PCNT: variants seen among roughly 807,000 people sequenced by gnomAD.
The protein encoded by PCNT is kendrin.
A neutral mutation model predicts 380.4 loss-of-function variants in PCNT; 319 were observed. The observed-to-expected ratio is 0.84, with a 90% CI of 0.77 to 0.92. The LOEUF (loss-of-function observed/expected upper bound fraction) is 0.92. Among genes scored for constraint, PCNT ranks in the 40% least tolerant of loss-of-function variants. PCNT has a pLI of 0.00. For synonymous variants in PCNT, 1,845 were observed against 1,735.2 expected (o/e 1.06, Z -1.57); for missense variants, 4,400 against 4,255.3 (o/e 1.03, Z -0.95).
intron 2 of PCNT, among the ~76,000 whole-genome samples, chr21:46,328,343 A>T (rs1428421961): frequency 2.7e-5 from 4 of 149,078 alleles, no homozygotes; most frequent in Non-Finnish European, 4.5e-5. Context: ...GCTCAGTGCA[A>T]CCTCTGCCTC....
chr21:46,335,715 C>A (rs572732276), intron 3 of PCNT, among the ~76,000 whole-genome samples: 1 of 146,174 alleles, frequency 6.8e-6, no homozygotes, highest in African/African-American at 2.5e-5. Flanking sequence ...TAAATAGAGA[C>A]GGAGTCTTGC....
chr21:46,415,295 G>T (rs1440625894), intron 29 of PCNT, among the ~76,000 whole-genome samples: 1 of 151,444 alleles, frequency 6.6e-6, no homozygotes, highest in South Asian at 2.1e-4. Flanking sequence ...AATACATCCT[G>T]TGTGGAGAGC....
At chr21:46,422,317 A>T (rs1031375632) in intron 32 of PCNT, among the ~76,000 whole-genome samples, 193 bp downstream of exon 32, 3 of 152,198 alleles carry the variant, frequency 2.0e-5, no homozygotes, top group African/African-American at 7.2e-5. Context: ...CCAGCCCTGC[A>T]CTGGCCCCTT....
At chr21:46,437,418 A>G (rs1601206721) in intron 40 of PCNT, among the ~76,000 whole-genome samples, 2 of 152,108 alleles carry the variant, frequency 1.3e-5, no homozygotes, top group South Asian at 4.1e-4. Context: ...CTCGCTGTGC[A>G]TGACCTGGAC....
chr21:46,423,569 TC>T (rs1264039091), intron 32 of PCNT, among the ~76,000 whole-genome samples: 8 of 151,100 alleles, frequency 5.3e-5, no homozygotes, highest in Non-Finnish European at 1.0e-4. Context: ...ATATTAGAAT[TC>T]CTGATTTTTA....
chr21:46,336,340 C>T (rs1276351527), intron 3 of PCNT, among the ~76,000 whole-genome samples: 1 of 152,146 alleles, frequency 6.6e-6, no homozygotes, highest in African/African-American at 2.4e-5. Context: ...CCTGGAAGCA[C>T]AGTCTCTGGT....
rs374300652 is a variant in PCNT, at chr21:46,412,033, A to T, written c.5960A>T (p.Asp1987Val). The change falls in exon 28 of 47, where the codon GAT (aspartate) becomes GTT (valine). Residue 1987 changes from aspartate to valine, a missense_variant. Asp to Val is a radical substitution (Grantham distance 152). Coordinates refer to ENST00000359568, the MANE Select transcript of PCNT (RefSeq NM_006031.6). ...QVTGDVEASHDAALEPVVPDP... is the reference protein window; with the variant it reads ...QVTGDVEASHVAALEPVVPDP... ...ACCGGCGACGTGGAGGCCTCCCATG[A>T]TGCTGCTTTGGAGCCGGTTGTCCCT... 74 of 1,608,370 alleles carry T rather than the reference A, an allele frequency of 4.6e-5. 1 individual carries two copies. In the East Asian group the frequency reaches 1.1e-3, roughly 25 times the overall value.
In PCNT at chr21:46,383,992, A is replaced by G. The variant is rs538182594; in HGVS notation, c.3313-1840A>G. ...CGGAAGCGCATTCACCATGTTGTAT[A>G]TTCAGTGGCGGAAGCGCATTCACAG... is the stretch of plus-strand genomic sequence containing the variant. On this transcript the variant is annotated intron_variant, in intron 16 of 46. Coordinates refer to ENST00000359568, the MANE Select transcript of PCNT (RefSeq NM_006031.6). Among the ~76,000 whole-genome samples the G allele has an allele frequency of 1.3e-4, 18 of 143,500 alleles. 1 individual carries two copies. The highest frequency in any genetic ancestry group is 3.8e-3 in the Middle Eastern group (1 of 262). The allele number at this position is 143,500 out of a possible 152,430, so 94.1% of individuals were successfully genotyped here. A position where few individuals can be genotyped will look rare whatever the true frequency, so the allele number is the denominator to read the frequency against.
chr21:46,438,075 T>C (rs1402419982), intron 40 of PCNT, 89 bp from the exon 41 acceptor site: 3 of 1,031,572 alleles, frequency 2.9e-6, no homozygotes, highest in African/African-American at 3.2e-5. Context: ...TTAATTACAA[T>C]CCCTAAAAAT....
chr21:46,391,260 G>T lies in PCNT; in HGVS notation c.4100G>T (p.Ser1367Ile). ...CACCGTCTGGTGCTGGAGCTGGAGA[G>T]CCTGAGACGGCAGCTGCAGCAGGCG... ...SEHRLVLELESLRRQLQQAAQ... is the reference protein window; with the variant it reads ...SEHRLVLELEILRRQLQQAAQ... Residue 1367 changes from serine to isoleucine, a missense_variant, in exon 21 of 47, where the codon AGC (serine) becomes ATC (isoleucine). Transcript: ENST00000359568. 6.2e-7 allele frequency: 1 copy of T among 1,600,184 alleles called. No individual in the cohort carries two copies. Among genetic ancestry groups the T allele is most frequent in the Non-Finnish European group, 8.5e-7 (1 of 1,173,784 alleles).
At position 46,391,240 on chromosome 21, in the gene PCNT, T is replaced by G; in HGVS notation, c.4080T>G (p.Arg1360=). 6.2e-7 allele frequency: 1 copy of G among 1,607,168 alleles called. No homozygotes were observed. Among genetic ancestry groups the G allele is most frequent in the Non-Finnish European group, 8.5e-7 (1 of 1,177,180 alleles). The change falls in exon 21 of 47, where the codon CGT becomes CGG. Residue 1360 remains arginine, a synonymous_variant. Coordinates refer to ENST00000359568, the MANE Select transcript of PCNT (RefSeq NM_006031.6). ...CCGGGAAGGAGGATTCCGAGCACCG[T>G]CTGGTGCTGGAGCTGGAGAGCCTGA... ...VLAGKEDSEH[R]LVLELESLRR...
chr21:46,422,911 A>G (rs1333405052), intron 32 of PCNT, among the ~76,000 whole-genome samples: 1 of 152,140 alleles, frequency 6.6e-6, no homozygotes, highest in Non-Finnish European at 1.5e-5. Context: ...AAACCCATCC[A>G]TGACGTTAAG....
rs151230453 is a variant in PCNT, at chr21:46,422,081, C to G, written c.7136C>G (p.Pro2379Arg). The change falls in exon 32 of 47, where the codon CCG becomes CGG. Residue 2379 changes from proline (P) to arginine (R), a missense_variant. Pro to Arg is a moderately radical substitution (Grantham distance 103, BLOSUM62 -2). Transcript: ENST00000359568. ...ASISGRFQPL[P>R]EAMKEKEVRP... ...ATCTCTGGAAGGTTTCAGCCGCTGC[C>G]GGAAGCCATGAAGGAGAAGGAAGTG... 1 of 1,613,804 alleles carries G rather than the reference C, an allele frequency of 6.2e-7. No individual in the cohort carries two copies. Among genetic ancestry groups the G allele is most frequent in the South Asian group, 1.1e-5 (1 of 91,088 alleles).
intron 44 of PCNT, chr21:46,442,799 T>A (rs2053645509): frequency 1.7e-6 from 1 of 595,284 alleles, no homozygotes; most frequent in Admixed American, 2.9e-5. Context: ...CGTACGGCGA[T>A]GGGAAACACT....
intron 21 of PCNT, among the ~76,000 whole-genome samples, chr21:46,396,628 G>C (rs1384218232): frequency 6.6e-6 from 1 of 152,078 alleles, no homozygotes; most frequent in Non-Finnish European, 1.5e-5. Context: ...TTATTTGAAG[G>C]AGTCTCACTT....
intron 15 of PCNT, among the ~76,000 whole-genome samples, chr21:46,369,417 T>G (rs2085042702): frequency 6.6e-6 from 1 of 152,208 alleles, no homozygotes. Context: ...GTTGTCTTTC[T>G]GGACAAAATT....
rs1259601819 is a variant in PCNT, at chr21:46,444,822, G to GTAA, written c.9967+3_9967+5dup. On this transcript the variant is annotated splice_donor_variant, in intron 46 of 46. Coordinates refer to ENST00000359568, the MANE Select transcript of PCNT (RefSeq NM_006031.6). LOFTEE classifies it high-confidence loss of function. ...CAAAGATTGGGAGGGGTACTACCAG[G>GTAA]TAATGCAAGTCCTCGCCGAGTATTT... 5 of 1,613,020 alleles carry GTAA rather than the reference G, an allele frequency of 3.1e-6. No homozygotes were observed. The East Asian group carries it at 1.1e-4, about 36-fold the overall frequency.
rs554294907 is a variant in PCNT at position 46,381,258 on chromosome 21, T to G, written c.3166-436T>G. On this transcript the variant is annotated intron_variant, in intron 15 of 46. Coordinates refer to ENST00000359568, the MANE Select transcript of PCNT (RefSeq NM_006031.6). The stretch of plus-strand genomic sequence containing the variant: ...TGTGTGTGTGTGTATAGAATTCATC[T>G]ATTGAACCTTATTTAAAAGGTTTTG... 3.3e-5 allele frequency among the ~76,000 whole-genome samples: 5 copies of G among 149,636 alleles called. No homozygotes were observed. In the South Asian group the frequency reaches 1.1e-3, roughly 32 times the overall value.
rs1352792544 is a variant in PCNT at position 46,411,709 on chromosome 21, C to T, written c.5636C>T (p.Ala1879Val). The T allele has an allele frequency of 6.8e-6, 11 of 1,612,646 alleles. No homozygotes were observed. The highest frequency in any genetic ancestry group is 1.3e-5 in the African/African-American group (1 of 74,942). ...TIAERNLEIDALNQRKAAHSA... is the reference protein window; with the variant it reads ...TIAERNLEIDVLNQRKAAHSA... ...GCCGAGAGAAATTTAGAAATCGACG[C>T]TCTGAACCAGCGGAAGGCGGCCCAC... The change falls in exon 28 of 47, where the codon GCT (alanine) becomes GTT (valine). Residue 1879 changes from alanine to valine, a missense_variant. Physicochemically the swap from Ala to Val is moderately conservative, Grantham distance 64. Transcript: ENST00000359568.
Sources: gnomAD v4.1 joint callset for allele counts (sites outside exome capture counted in the v4.1 genomes callset) on GRCh38, gnomAD v4.1.1 for gene constraint, MANE v1.5 for transcripts, NCBI Gene and HGNC (gene_info 2026-07-23, HGNC 2026-07-21) for gene names.